Variants in PSD3 observed in about 807,000 individuals in gnomAD.
The protein encoded by PSD3 is pleckstrin and Sec7 domain containing 3, also known as PH and SEC7 domain-containing protein 3.
In PSD3, 49 loss-of-function variants were observed where a neutral mutation model predicts 105.5. That is an observed-to-expected ratio of 0.46 (90% CI 0.37 to 0.59). The LOEUF (loss-of-function observed/expected upper bound fraction) is 0.59. PSD3 is among the 20% of genes least tolerant of loss of function. The probability of loss-of-function intolerance (pLI) is 0.00; values close to 1 mark genes in which losing one functional copy is unlikely to be tolerated. For missense variants in PSD3, 1,561 were observed against 1,263.8 expected (o/e 1.24, Z -3.57); for synonymous variants, 557 against 457.8 (o/e 1.22, Z -2.77).
chr8:19,039,977 G>A (rs1030105578), intron 1 of PSD3, among the ~76,000 whole-genome samples: 10 of 152,130 alleles, frequency 6.6e-5, no homozygotes, highest in Non-Finnish European at 1.5e-4. Context: ...GTGACTTAAG[G>A]GTTGGGGGGT....
At chr8:18,828,685 G>A (rs948188284) in intron 4 of PSD3, among the ~76,000 whole-genome samples, 1 of 152,168 alleles carries the variant, frequency 6.6e-6, no homozygotes, top group African/African-American at 2.4e-5. Flanking sequence ...CTGGGGCTGG[G>A]CGAGGTGGCT....
At position 18,535,660 on chromosome 8, in the gene PSD3, T is replaced by TTA; in HGVS notation, c.*82_*83insTA. The stretch of plus-strand genomic sequence containing the variant: ...CGTTTTGTCACAGACTTTTTTTTTT[T>TTA]AAATATATTCACGGATTACCAGAAA... On this transcript the variant is annotated 3_prime_UTR_variant, in exon 16 of 16. Transcript: ENST00000327040. The TTA allele has an allele frequency of 8.4e-7, 1 of 1,193,274 alleles. No homozygotes were observed. The highest frequency in any genetic ancestry group is 1.2e-6 in the Non-Finnish European group (1 of 830,884). 73.9% of individuals were successfully genotyped at this position (1,193,274 alleles called of 1,614,324 possible).
At chr8:18,780,313 A>C (rs1808482279) in intron 8 of PSD3, among the ~76,000 whole-genome samples, 1 of 151,570 alleles carries the variant, frequency 6.6e-6, no homozygotes, top group Non-Finnish European at 1.5e-5. Flanking sequence ...TTTACCAGTA[A>C]AGTCAGTTTT....
chr8:19,052,655 G>T (rs914091913), intron 1 of PSD3, among the ~76,000 whole-genome samples: 2 of 152,040 alleles, frequency 1.3e-5, no homozygotes, highest in Non-Finnish European at 2.9e-5. Context: ...CAGCTAATTC[G>T]GAAGTCCAAG....
At chr8:18,828,439 C>T (rs1336077060) in intron 4 of PSD3, among the ~76,000 whole-genome samples, 1 of 152,108 alleles carries the variant, frequency 6.6e-6, no homozygotes, top group Non-Finnish European at 1.5e-5. Flanking sequence ...AGCTTCGATA[C>T]AAGAAAGCCA....
Position 18,997,859 on chromosome 8 carries a change from C to T in PSD3, c.21+15704G>A, listed in dbSNP as rs184618558. 2.2e-3 allele frequency among the ~76,000 whole-genome samples: 328 copies of T among 152,122 alleles called. 5 individuals are homozygous for T. Among genetic ancestry groups the T allele is most frequent in the Non-Finnish European group, 2.0e-3 (139 of 67,972 alleles). On this transcript the variant is annotated intron_variant, in intron 1 of 15. Coordinates refer to ENST00000327040, the MANE Select transcript of PSD3 (RefSeq NM_015310.4). Reference sequence around the variant, plus strand: ...CCATTTGTAACTGCAACTCCACCCCCTCCCAAACTCCCTCCTCTGCCTTAT... The same window carrying T: ...CCATTTGTAACTGCAACTCCACCCCTTCCCAAACTCCCTCCTCTGCCTTAT...
At chr8:18,736,257 C>A (rs1804145002) in intron 9 of PSD3, among the ~76,000 whole-genome samples, 1 of 152,130 alleles carries the variant, frequency 6.6e-6, no homozygotes. Context: ...AAATTGAAGG[C>A]AAGACACTTA....
intron 12 of PSD3, among the ~76,000 whole-genome samples, chr8:18,576,197 T>C (rs1419827973): frequency 1.3e-5 from 2 of 152,182 alleles, no homozygotes; most frequent in East Asian, 3.9e-4. Context: ...AATGTACTAT[T>C]GCCATCAATT....
chr8:18,556,469 A>C, intron 14 of PSD3, 117 bp from the exon 15 acceptor site: 4 of 993,940 alleles, frequency 4.0e-6, no homozygotes, highest in Non-Finnish European at 5.9e-6. Flanking sequence ...AAACAGCCCA[A>C]TGTGCCTCTG....
intron 1 of PSD3, among the ~76,000 whole-genome samples, chr8:19,037,907 T>C (rs1199313577): frequency 2.0e-5 from 3 of 149,428 alleles, no homozygotes; most frequent in Non-Finnish European, 4.4e-5. Flanking sequence ...ATATTTAATA[T>C]ATATAATCAT....
intron 9 of PSD3, among the ~76,000 whole-genome samples, chr8:18,725,560 C>T (rs1803286391): frequency 6.6e-6 from 1 of 152,156 alleles, no homozygotes; most frequent in Non-Finnish European, 1.5e-5. Flanking sequence ...CCACTTTCCC[C>T]TCTTTTGAGA....
At chr8:18,659,245 C>T (rs889604939) in intron 9 of PSD3, among the ~76,000 whole-genome samples, 2 of 152,190 alleles carry the variant, frequency 1.3e-5, no homozygotes, top group African/African-American at 4.8e-5. Flanking sequence ...AACAATAGAA[C>T]AAATTAATGC....
intron 9 of PSD3, among the ~76,000 whole-genome samples, chr8:18,666,289 G>A (rs932960385): frequency 5.9e-5 from 9 of 152,206 alleles, no homozygotes; most frequent in African/African-American, 2.2e-4. Flanking sequence ...GACCTCAGGT[G>A]ATCCGCCCGC....
intron 8 of PSD3, among the ~76,000 whole-genome samples, chr8:18,775,169 C>T (rs1296947729): frequency 6.6e-6 from 1 of 152,144 alleles, no homozygotes; most frequent in East Asian, 1.9e-4. Flanking sequence ...GTTCCATCCA[C>T]ATTGCTACCA....
chr8:18,944,934 G>A (rs1045798898), intron 1 of PSD3, among the ~76,000 whole-genome samples: 2 of 152,066 alleles, frequency 1.3e-5, no homozygotes, highest in Non-Finnish European at 2.9e-5. Context: ...GCCCTAGAAT[G>A]AGCCATTTTA....
rs114699177 is a variant in PSD3, at chr8:19,033,450, T to A, written c.324+50756A>T. Among the ~76,000 whole-genome samples, 301 of 152,304 alleles carry A rather than the reference T, an allele frequency of 2.0e-3. 2 individuals are homozygous for A. Among genetic ancestry groups the A allele is most frequent in the African/African-American group, 6.9e-3 (286 of 41,570 alleles). On this transcript the variant is annotated intron_variant, in intron 1 of 1. Transcript: ENST00000521475. The stretch of plus-strand genomic sequence containing the variant: ...CTTTTGATTCTCTCTAAGAATAGTG[T>A]TTCTCTTCCATTTCCAAGAACTATG...
intron 12 of PSD3, among the ~76,000 whole-genome samples, chr8:18,578,385 T>C (rs931446023): frequency 6.6e-6 from 1 of 152,156 alleles, no homozygotes; most frequent in Non-Finnish European, 1.5e-5. Flanking sequence ...AGTGCCAACC[T>C]ACAATTCTTT....
At chr8:19,078,744 A>G (rs1418906207) in intron 1 of PSD3, among the ~76,000 whole-genome samples, 1 of 151,982 alleles carries the variant, frequency 6.6e-6, no homozygotes, top group Non-Finnish European at 1.5e-5. Context: ...CAGGCCTAAG[A>G]GAATTCAGTG....
intron 1 of PSD3, chr8:19,001,916 A>G: frequency 5.3e-6 from 1 of 186,970 alleles, no homozygotes. Context: ...AAGTCTGAAT[A>G]TGTGAAAGCC....
Sources: allele counts gnomAD v4.1 joint callset (sites outside exome capture counted in the v4.1 genomes callset), GRCh38; gene constraint gnomAD v4.1.1; transcripts MANE v1.5; gene names NCBI Gene and HGNC (gene_info 2026-07-23, HGNC 2026-07-21).